Variants in UMODL1 observed in about 807,000 individuals in gnomAD.
UMODL1 encodes uromodulin like 1, also known as uromodulin-like 1.
Under a neutral mutation model 136.3 loss-of-function variants are expected in UMODL1, and 128 were observed. The ratio of observed to expected loss-of-function variants is 0.94; its 90% CI spans 0.81 to 1.09. UMODL1 has a LOEUF of 1.09. UMODL1 is among the 50% of genes least tolerant of loss of function. UMODL1 has a pLI of 0.00. For missense variants in UMODL1, 1,766 were observed against 1,725.6 expected, an observed-to-expected ratio of 1.02 and a Z score of -0.41; for synonymous variants, 721 against 720.0, an observed-to-expected ratio of 1.00 and a Z score of -0.02.
At chr21:42,121,266 A>AATCG (rs764632771) in intron 16 of UMODL1, 42 bp downstream of exon 16, 2 of 1,572,984 alleles carry the variant, frequency 1.3e-6, no homozygotes, top group East Asian at 4.5e-5. Flanking sequence ...ACTGTATCAT[A>AATCG]ATCGGTTTTT....
intron 4 of UMODL1, among the ~76,000 whole-genome samples, chr21:42,087,127 G>C (rs1157667540): frequency 6.6e-6 from 1 of 152,128 alleles, no homozygotes; most frequent in East Asian, 1.9e-4. Flanking sequence ...ATATTGCTGC[G>C]TGACACCTGC....
chr21:42,095,112 T>TTTTTTTTTTTTA (rs1601205271), intron 6 of UMODL1, among the ~76,000 whole-genome samples: 4 of 144,372 alleles, frequency 2.8e-5, no homozygotes, highest in Admixed American at 7.0e-5. Flanking sequence ...TTTTTTTTTT[T>TTTTTTTTTTTTA]GAGACAGGGT....
intron 22 of UMODL1, among the ~76,000 whole-genome samples, chr21:42,138,538 T>A (rs562783206): frequency 9.2e-5 from 14 of 152,298 alleles, no homozygotes; most frequent in East Asian, 7.7e-4. Flanking sequence ...AAACCTTCAG[T>A]GGGAAACACC....
At chr21:42,136,703 T>C (rs762430792) in intron 21 of UMODL1, among the ~76,000 whole-genome samples, 3 of 151,050 alleles carry the variant, frequency 2.0e-5, no homozygotes, top group Non-Finnish European at 4.4e-5. Flanking sequence ...TCTTTTAGGG[T>C]CCGCACTCTG....
chr21:42,116,442 G>A (rs1227029275), intron 14 of UMODL1, among the ~76,000 whole-genome samples: 4 of 152,118 alleles, frequency 2.6e-5, no homozygotes, highest in Non-Finnish European at 5.9e-5. Flanking sequence ...AAGCCAGGAC[G>A]TTAAGCTCTG....
chr21:42,071,015 G>T (rs1458264537), upstream of UMODL1, among the ~76,000 whole-genome samples: 1 of 152,198 alleles, frequency 6.6e-6, no homozygotes, highest in African/African-American at 2.4e-5. Context: ...CCAGCGATGC[G>T]GTCTGGGCTT....
chr21:42,139,627 A>G (rs1242741880), intron 22 of UMODL1, among the ~76,000 whole-genome samples: 1 of 152,206 alleles, frequency 6.6e-6, no homozygotes, highest in Non-Finnish European at 1.5e-5. Context: ...TTTAATTTCA[A>G]GGAGGGGGAC....
chr21:42,074,387 A>G (rs2066264270), intron 1 of UMODL1, among the ~76,000 whole-genome samples: 1 of 152,196 alleles, frequency 6.6e-6, no homozygotes, highest in South Asian at 2.1e-4. Context: ...TACTGCAGAT[A>G]AGGTCATATT....
chr21:42,136,950 G>A (rs2067212672), intron 21 of UMODL1, among the ~76,000 whole-genome samples: 2 of 152,178 alleles, frequency 1.3e-5, no homozygotes, highest in East Asian at 3.9e-4. Flanking sequence ...TAGAGACGGG[G>A]TTTCACCATG....
intron 4 of UMODL1, chr21:42,086,683 C>T (rs769462195): frequency 8.9e-6 from 4 of 451,368 alleles, no homozygotes; most frequent in Non-Finnish European, 1.3e-5. Context: ...CATAAATAAT[C>T]GGCCAGGAGT....
At chr21:42,119,443 C>T (rs576795490) in intron 15 of UMODL1, 119 bp downstream of exon 15, 2 of 853,218 alleles carry the variant, frequency 2.3e-6, no homozygotes, top group Non-Finnish European at 3.8e-6. Flanking sequence ...CTTCTTCCCC[C>T]AGAATTAGAT....
chr21:42,128,867 G>A (rs4920063), intron 20 of UMODL1, among the ~76,000 whole-genome samples: 69,763 of 152,046 alleles, frequency 0.46, 16,892 homozygotes, highest in Non-Finnish European at 0.55. Context: ...TTTCCGGGCT[G>A]CTGTAGGAAC....
chr21:42,115,857 A>C lies in UMODL1; in HGVS notation c.2363-16A>C. On this transcript the variant is annotated splice_polypyrimidine_tract_variant and intron_variant, in intron 13 of 22. Transcript: ENST00000408910. ...TACAGCACCAATTCCAAATGTGCTTATCCTCCATCCTGCAGCAGCCCGGAA... is the reference window on the plus strand; with the variant it reads ...TACAGCACCAATTCCAAATGTGCTTCTCCTCCATCCTGCAGCAGCCCGGAA... The C allele has an allele frequency of 2.5e-6, 4 of 1,597,826 alleles. No homozygotes were observed. The South Asian group carries it at 4.4e-5, about 18-fold the overall frequency.
chr21:42,137,464 C>T lies in UMODL1; in HGVS notation c.3801C>T (p.Gly1267=), dbSNP rs374794896. 3 of 1,614,132 alleles carry T rather than the reference C, an allele frequency of 1.9e-6. No homozygotes were observed. The highest frequency in any genetic ancestry group is 2.7e-5 in the African/African-American group (2 of 74,958). Residue 1267 remains glycine (G), a synonymous_variant, in exon 22 of 23, where the codon GGC becomes GGT. Coordinates refer to ENST00000408910, the MANE Select transcript of UMODL1 (RefSeq NM_001004416.3). ...GTGAGCCTCCTCATGCAGAAGCAGG[C>T]CTGGGTGCCGGTTATGTGGTCCTTA... ...SEGEPPHAEA[G]LGAGYVVLIV...
Position 42,122,577 on chromosome 21 carries a change from G to A in UMODL1, c.2828-254G>A, listed in dbSNP as rs764750477. Among the ~76,000 whole-genome samples, 4 of 73,870 alleles carry A rather than the reference G, an allele frequency of 5.4e-5. No individual in the cohort carries two copies. Among genetic ancestry groups the A allele is most frequent in the South Asian group, 4.4e-4 (1 of 2,260 alleles). 48.5% of individuals were successfully genotyped at this position (73,870 alleles called of 152,430 possible). A position where few individuals can be genotyped will look rare whatever the true frequency, so the allele number is the denominator to read the frequency against. On this transcript the variant is annotated intron_variant, in intron 16 of 22. Coordinates refer to ENST00000408910, the MANE Select transcript of UMODL1 (RefSeq NM_001004416.3). The surrounding 1 kb of genome is among the most constrained non-coding windows in gnomAD (Gnocchi z 4.3). ...TGTGTGTCTGCACGTGTGTGCGTGC[G>A]TGTGTGCATGTGTGTGCATGTGTGT...
intron 4 of UMODL1, chr21:42,086,429 C>T (rs529131272): frequency 5.1e-5 from 22 of 435,198 alleles, no homozygotes; most frequent in South Asian, 3.6e-4. Flanking sequence ...TGGTGCACAC[C>T]TCATGTTGTT....
chr21:42,091,121 G>A (rs772697178), intron 6 of UMODL1, among the ~76,000 whole-genome samples: 9 of 152,232 alleles, frequency 5.9e-5, no homozygotes, highest in Middle Eastern at 3.4e-3. Context: ...GGCCACCCTC[G>A]CATCTTCTTT....
At chr21:42,126,219 G>T in intron 17 of UMODL1, 126 bp from the exon 18 acceptor site, 2 of 1,384,088 alleles carry the variant, frequency 1.4e-6, no homozygotes, top group Non-Finnish European at 1.9e-6. Flanking sequence ...CCAGGATCTC[G>T]ATGCTGCTGG....
intron 21 of UMODL1, among the ~76,000 whole-genome samples, chr21:42,131,935 A>G (rs2067139402): frequency 6.6e-6 from 1 of 152,248 alleles, no homozygotes; most frequent in Non-Finnish European, 1.5e-5. Context: ...TGTTCTCATT[A>G]ATAGATAATG....
Sources: allele counts gnomAD v4.1 joint callset (sites outside exome capture counted in the v4.1 genomes callset), GRCh38; gene constraint gnomAD v4.1.1; non-coding constraint Gnocchi (gnomAD v3.1); transcripts MANE v1.5; gene names NCBI Gene and HGNC (gene_info 2026-07-23, HGNC 2026-07-21).